The following ARID4B variants were observed in gnomAD, a reference collection of about 807,000 sequenced individuals.
ARID4B encodes AT-rich interaction domain 4B.
In ARID4B, 26 loss-of-function variants were observed where a neutral mutation model predicts 147.5. That is an observed-to-expected ratio of 0.18 (90% CI 0.13 to 0.24). The LOEUF (loss-of-function observed/expected upper bound fraction) is 0.24, where lower values mean the gene tolerates loss of function less well. Ranked by LOEUF, ARID4B falls within the 10% of genes least tolerant of loss-of-function variation. The probability of loss-of-function intolerance (pLI) is 1.00; values close to 1 mark genes in which losing one functional copy is unlikely to be tolerated. For missense variants in ARID4B, 1,179 were observed against 1,511.5 expected (o/e 0.78, Z 3.65); for synonymous variants, 512 against 507.9 (o/e 1.01, Z -0.11).
intron 2 of ARID4B, among the ~76,000 whole-genome samples, chr1:235,301,323 A>G (rs1673123397): frequency 1.3e-5 from 2 of 151,530 alleles, no homozygotes; most frequent in Admixed American, 1.3e-4. Flanking sequence ...GAATCGCTTG[A>G]GCCCAGGAGT....
At chr1:235,302,025 G>C (rs1673183281) in intron 2 of ARID4B, among the ~76,000 whole-genome samples, 1 of 150,614 alleles carries the variant, frequency 6.6e-6, no homozygotes, top group African/African-American at 2.4e-5. Flanking sequence ...GTGGAAACGG[G>C]GTTTCGCCAT....
intron 19 of ARID4B, among the ~76,000 whole-genome samples, chr1:235,184,677 T>C (rs1664552841): frequency 6.6e-6 from 1 of 152,146 alleles, no homozygotes; most frequent in Admixed American, 6.5e-5. Flanking sequence ...ATCAAAACAA[T>C]ACATATACAT....
chr1:235,266,037 T>C (rs539264047), intron 2 of ARID4B, among the ~76,000 whole-genome samples: 5 of 152,160 alleles, frequency 3.3e-5, no homozygotes, highest in Non-Finnish European at 5.9e-5. Context: ...ATTGTGTATA[T>C]ACGTGGGGAA....
At chr1:235,290,979 G>C (rs1201321424) in intron 2 of ARID4B, among the ~76,000 whole-genome samples, 7 of 152,194 alleles carry the variant, frequency 4.6e-5, no homozygotes, top group African/African-American at 1.7e-4. Flanking sequence ...CACACCTGCA[G>C]TCCCACCTGT....
At chr1:235,318,633 G>A (rs945711763) in intron 2 of ARID4B, among the ~76,000 whole-genome samples, 1 of 152,110 alleles carries the variant, frequency 6.6e-6, no homozygotes, top group African/African-American at 2.4e-5. Context: ...TGTAATCCCA[G>A]CACTTTGGGG....
At chr1:235,298,998 C>A (rs1444728654) in intron 2 of ARID4B, among the ~76,000 whole-genome samples, 1 of 152,026 alleles carries the variant, frequency 6.6e-6, no homozygotes, top group Non-Finnish European at 1.5e-5. Flanking sequence ...TGTAATCCTC[C>A]TGTAAAGCTA....
rs566553244 is a variant in ARID4B at position 235,222,976 on chromosome 1, C to T, written c.1065+190G>A. ...GGGGTTGCAGGCATGAGCCACCATG[C>T]CTGGCCTAAAAAATCTTTAAAATTT... On this transcript the variant is annotated intron_variant, in intron 13 of 23. Coordinates refer to ENST00000264183, the MANE Select transcript of ARID4B (RefSeq NM_016374.6). 2.0e-3 allele frequency among the ~76,000 whole-genome samples: 307 copies of T among 152,112 alleles called. 4 individuals are homozygous for T. The highest frequency in any genetic ancestry group is 4.6e-3 in the South Asian group (22 of 4,820).
intron 2 of ARID4B, among the ~76,000 whole-genome samples, chr1:235,313,686 A>C (rs77309051): frequency 0.01 from 1,564 of 152,316 alleles, 24 homozygotes; most frequent in African/African-American, 0.033. Context: ...TTGGAAGTAA[A>C]ATTTACTTTT....
chr1:235,304,846 T>A (rs1326062676), intron 2 of ARID4B, among the ~76,000 whole-genome samples: 1 of 152,218 alleles, frequency 6.6e-6, no homozygotes, highest in African/African-American at 2.4e-5. Context: ...AATTTCCATC[T>A]TCATAAAATT....
chr1:235,190,528 C>G (rs1019210849), intron 19 of ARID4B, among the ~76,000 whole-genome samples: 17 of 151,314 alleles, frequency 1.1e-4, no homozygotes, highest in Non-Finnish European at 2.2e-4. Flanking sequence ...TACAAAGAAT[C>G]AGGAATTGGA....
At chr1:235,275,050 C>T (rs1030643755) in intron 2 of ARID4B, among the ~76,000 whole-genome samples, 1 of 151,782 alleles carries the variant, frequency 6.6e-6, no homozygotes, top group African/African-American at 2.4e-5. Context: ...TCTGCCTATT[C>T]AATGACTATG....
At position 235,291,202 on chromosome 1, in the gene ARID4B, C is replaced by G. The variant is rs569262497; in HGVS notation, c.7-30450G>C. On this transcript the variant is annotated intron_variant, in intron 2 of 23. Transcript: ENST00000264183. The stretch of plus-strand genomic sequence containing the variant: ...ACCAGGTCAGGAGATCAAGACCACC[C>G]TGGCTAACACGTTGAAACCCCGTCT... Among the ~76,000 whole-genome samples the G allele has an allele frequency of 2.6e-3, 398 of 151,534 alleles. 3 individuals carry two copies. The highest frequency in any genetic ancestry group is 9.2e-3 in the African/African-American group (381 of 41,318).
At position 235,181,674 on chromosome 1, in the gene ARID4B, T is replaced by G. The variant is rs765215587; in HGVS notation, c.3245A>C (p.Gln1082Pro). 8.7e-6 allele frequency: 14 copies of G among 1,614,028 alleles called. No homozygotes were observed. The East Asian group carries it at 3.1e-4, about 36-fold the overall frequency. ...DSVAGELQDL[Q>P]SEGNSSPAGF... is the part of the protein sequence containing the mutation. ...TGCTGGCGAGCTATTCCCTTCAGAC[T>G]GGAGGTCTTGGAGCTCCCCAGCAAC... Residue 1082 changes from glutamine (Q) to proline (P), a missense_variant, in exon 20 of 24, where the codon CAG (glutamine) becomes CCG (proline). Gln to Pro is a moderately conservative substitution (Grantham distance 76, BLOSUM62 -1). Coordinates refer to ENST00000264183, the MANE Select transcript of ARID4B (RefSeq NM_016374.6).
chr1:235,269,507 T>C (rs1670831271), intron 2 of ARID4B, among the ~76,000 whole-genome samples: 2 of 152,224 alleles, frequency 1.3e-5, no homozygotes, highest in South Asian at 4.1e-4. Context: ...TTCTGTTCTA[T>C]TTATCAGGAA....
chr1:235,184,683 T>C (rs1558179189), intron 19 of ARID4B, among the ~76,000 whole-genome samples: 1 of 152,150 alleles, frequency 6.6e-6, no homozygotes, highest in Admixed American at 6.5e-5. Context: ...ACAATACATA[T>C]ACATCATTAA....
intron 2 of ARID4B, among the ~76,000 whole-genome samples, chr1:235,302,580 C>T (rs1673258878): frequency 6.6e-6 from 1 of 152,106 alleles, no homozygotes; most frequent in African/African-American, 2.4e-5. Flanking sequence ...TTACTTAATA[C>T]AGCTATTATA....
intron 17 of ARID4B, among the ~76,000 whole-genome samples, chr1:235,201,852 C>A (rs1418658425): frequency 6.6e-6 from 1 of 151,634 alleles, no homozygotes; most frequent in Non-Finnish European, 1.5e-5. Context: ...CTACTGCACT[C>A]CAACCTGGGA....
intron 8 of ARID4B, among the ~76,000 whole-genome samples, chr1:235,236,607 G>C (rs979302952): frequency 6.7e-6 from 1 of 150,260 alleles, no homozygotes; most frequent in Non-Finnish European, 1.5e-5. Flanking sequence ...TCCACCTCCC[G>C]TGTTCAAGCA....
intron 20 of ARID4B, among the ~76,000 whole-genome samples, chr1:235,179,539 A>C (rs1571905389): frequency 9.0e-6 from 1 of 110,760 alleles, no homozygotes; most frequent in Non-Finnish European, 1.9e-5. Context: ...AAAAAAAAAA[A>C]AAAAAAAAAA....
Sources: allele counts gnomAD v4.1 joint callset (sites outside exome capture counted in the v4.1 genomes callset), GRCh38; gene constraint gnomAD v4.1.1; transcripts MANE v1.5; gene names NCBI Gene and HGNC (gene_info 2026-07-23, HGNC 2026-07-21).